Variants in CCSER1 observed in about 807,000 individuals in gnomAD.
CCSER1 encodes the protein coiled-coil serine rich protein 1.
A neutral mutation model predicts 82.0 loss-of-function variants in CCSER1; 41 were observed. The observed-to-expected ratio is 0.50, with a 90% CI of 0.39 to 0.65. The LOEUF (loss-of-function observed/expected upper bound fraction) is 0.65, where lower values mean the gene tolerates loss of function less well. Among genes scored for constraint, CCSER1 ranks in the 30% least tolerant of loss-of-function variants. CCSER1 has a pLI of 0.00. For synonymous variants in CCSER1, 414 were observed against 383.9 expected, an observed-to-expected ratio of 1.08 and a Z score of -0.92; for missense variants, 1,119 against 1,064.2, an observed-to-expected ratio of 1.05 and a Z score of -0.72.
chr4:90,831,801 T>A (rs988347415), intron 8 of CCSER1, among the ~76,000 whole-genome samples: 6 of 152,168 alleles, frequency 3.9e-5, no homozygotes, highest in African/African-American at 7.2e-5. Context: ...GAAAACTTTT[T>A]AAATGAAAGT....
chr4:90,482,583 G>A (rs1294739148), intron 5 of CCSER1, among the ~76,000 whole-genome samples: 8 of 152,116 alleles, frequency 5.3e-5, no homozygotes, highest in Non-Finnish European at 7.4e-5. Context: ...CTTTGTTCTT[G>A]TTGGTTTCAA....
At chr4:90,252,389 T>C (rs1425387757) in intron 1 of CCSER1, among the ~76,000 whole-genome samples, 1 of 151,932 alleles carries the variant, frequency 6.6e-6, no homozygotes, top group Non-Finnish European at 1.5e-5. Context: ...CTCAAAGTAT[T>C]TCCAATTTCT....
chr4:90,822,064 T>A lies in CCSER1; in HGVS notation c.2094+6219T>A, dbSNP rs533620670. Among the ~76,000 whole-genome samples the A allele has an allele frequency of 4.6e-5, 7 of 152,318 alleles. No individual in the cohort carries two copies. The South Asian group carries it at 1.4e-3, about 32-fold the overall frequency. On this transcript the variant is annotated intron_variant, in intron 8 of 10. Transcript: ENST00000509176. ...CAGAAATTGAAGAAAGTATATTTGGTATTTATTAATAAATTAATTCAAAAT... is the reference window on the plus strand; with the variant it reads ...CAGAAATTGAAGAAAGTATATTTGGAATTTATTAATAAATTAATTCAAAAT...
In CCSER1 at chr4:91,413,850, A is replaced by G. The variant is rs561084042; in HGVS notation, c.2218-184722A>G. ...ACAAAAGGCTATCAGCAGACTTCTC[A>G]GCAAAAACCTTACAAGCCAGGAGAG... On this transcript the variant is annotated intron_variant, in intron 10 of 10. Transcript: ENST00000509176. Among the ~76,000 whole-genome samples the G allele has an allele frequency of 3.3e-5, 5 of 152,304 alleles. No individual in the cohort carries two copies. The South Asian group carries it at 1.0e-3, about 32-fold the overall frequency.
At chr4:91,401,676 TG>T (rs1203749436) in intron 10 of CCSER1, among the ~76,000 whole-genome samples, 1 of 152,142 alleles carries the variant, frequency 6.6e-6, no homozygotes, top group Non-Finnish European at 1.5e-5. Context: ...TGCGATAGTT[TG>T]CTCAGAATGA....
chr4:90,740,460 G>C (rs1746353732), intron 7 of CCSER1, among the ~76,000 whole-genome samples: 1 of 152,110 alleles, frequency 6.6e-6, no homozygotes, highest in Non-Finnish European at 1.5e-5. Flanking sequence ...CTTAATTTGT[G>C]TTAAAAGATA....
chr4:91,572,825 AG>A (rs1409867281), intron 10 of CCSER1, among the ~76,000 whole-genome samples: 1 of 150,614 alleles, frequency 6.6e-6, no homozygotes, highest in African/African-American at 2.4e-5. Flanking sequence ...AAAAAAAAAA[AG>A]AAGAAGCCTG....
chr4:90,945,168 GAAA>G (rs889379406), intron 9 of CCSER1, among the ~76,000 whole-genome samples: 1 of 151,716 alleles, frequency 6.6e-6, no homozygotes, highest in Non-Finnish European at 1.5e-5. Context: ...ATTTAACTAG[GAAA>G]AAAACTAATA....
At chr4:90,738,716 A>G (rs896174040) in intron 7 of CCSER1, among the ~76,000 whole-genome samples, 1 of 152,020 alleles carries the variant, frequency 6.6e-6, no homozygotes, top group African/African-American at 2.4e-5. Context: ...TCTTCCCTTC[A>G]CGGCACTGAG....
intron 4 of CCSER1, among the ~76,000 whole-genome samples, chr4:90,448,087 TG>T (rs1760905778): frequency 6.6e-6 from 1 of 152,128 alleles, no homozygotes; most frequent in Non-Finnish European, 1.5e-5. Flanking sequence ...TGAAATACTT[TG>T]CAAATTCTTT....
rs1343470649 is a variant in CCSER1, at chr4:90,459,364, T to C, written c.1604-8870T>C. Among the ~76,000 whole-genome samples the C allele has an allele frequency of 2.6e-5, 4 of 152,210 alleles. No individual in the cohort carries two copies. In the South Asian group the frequency reaches 8.3e-4, roughly 32 times the overall value. Reference sequence around the variant, plus strand: ...TTGGAGTAGAACTCTGAGATCTTTTTATTTAATTATTAATATTAGTAAAAG... The same window carrying C: ...TTGGAGTAGAACTCTGAGATCTTTTCATTTAATTATTAATATTAGTAAAAG... On this transcript the variant is annotated intron_variant, in intron 4 of 10. Transcript: ENST00000509176.
intron 4 of CCSER1, among the ~76,000 whole-genome samples, chr4:90,433,203 C>G (rs538920826): frequency 6.6e-6 from 1 of 152,240 alleles, no homozygotes; most frequent in South Asian, 2.1e-4. Flanking sequence ...ATTAGCGCCC[C>G]ACATTTTGCT....
intron 10 of CCSER1, among the ~76,000 whole-genome samples, chr4:91,215,162 A>G (rs1737141802): frequency 6.6e-6 from 1 of 152,180 alleles, no homozygotes; most frequent in Admixed American, 6.5e-5. Context: ...ATATATGGTG[A>G]GCCTTGATAA....
chr4:91,508,573 T>C (rs1050870948), intron 10 of CCSER1, among the ~76,000 whole-genome samples: 1 of 149,842 alleles, frequency 6.7e-6, no homozygotes, highest in Non-Finnish European at 1.5e-5. Flanking sequence ...TTTTTTTTTT[T>C]CACATGAAGT....
At chr4:91,096,337 C>T (rs1380849494) in intron 10 of CCSER1, among the ~76,000 whole-genome samples, 1 of 152,108 alleles carries the variant, frequency 6.6e-6, no homozygotes, top group Non-Finnish European at 1.5e-5. Context: ...CTGTTGGTGC[C>T]ATCTCCTGCC....
intron 4 of CCSER1, among the ~76,000 whole-genome samples, chr4:90,443,192 A>AT (rs1001948911): frequency 2.5e-4 from 38 of 151,912 alleles, no homozygotes; most frequent in African/African-American, 8.2e-4. Flanking sequence ...TCAGCATATG[A>AT]TTTTTTTTGT....
chr4:91,543,885 C>T lies in CCSER1; in HGVS notation c.2218-54687C>T, dbSNP rs146084743. 9.8e-3 allele frequency among the ~76,000 whole-genome samples: 1,485 copies of T among 152,240 alleles called. 56 individuals are homozygous for T. The highest frequency in any genetic ancestry group is 0.069 in the Admixed American group (1,056 of 15,282). ...TGGGGAAGTTCTCCTGGATAATATC[C>T]GGCAGATTGTTTTCCAACTTGGTTC... On this transcript the variant is annotated intron_variant, in intron 10 of 10. Coordinates refer to ENST00000509176, the MANE Select transcript of CCSER1 (RefSeq NM_001145065.2).
chr4:90,992,465 A>G (rs1350340751), intron 9 of CCSER1, among the ~76,000 whole-genome samples: 1 of 152,044 alleles, frequency 6.6e-6, no homozygotes, highest in African/African-American at 2.4e-5. Context: ...GGATTAAGCA[A>G]TATACATTTA....
chr4:90,428,389 C>T (rs1012608660), intron 4 of CCSER1, among the ~76,000 whole-genome samples: 5 of 151,834 alleles, frequency 3.3e-5, no homozygotes, highest in Admixed American at 2.6e-4. Flanking sequence ...AGCTAGAAAT[C>T]CATGTATAAC....
Sources: allele counts gnomAD v4.1 joint callset (sites outside exome capture counted in the v4.1 genomes callset), GRCh38; gene constraint gnomAD v4.1.1; transcripts MANE v1.5; gene names NCBI Gene and HGNC (gene_info 2026-07-23, HGNC 2026-07-21).